The following KLHL29 variants were observed in gnomAD, a reference collection of about 807,000 sequenced individuals.
KLHL29 encodes kelch like family member 29, also known as kelch-like protein 29.
In KLHL29, 21 loss-of-function variants were observed where a neutral mutation model predicts 80.4. The observed-to-expected ratio is 0.26, with a 90% CI of 0.19 to 0.38. KLHL29 has a LOEUF of 0.38. Among genes scored for constraint, KLHL29 ranks in the 10% least tolerant of loss-of-function variants. The pLI is 1.00. For missense variants in KLHL29, 867 were observed against 1,223.9 expected, an observed-to-expected ratio of 0.71 and a Z score of 4.35; for synonymous variants, 511 against 526.8, an observed-to-expected ratio of 0.97 and a Z score of 0.41.
At chr2:23,424,791 C>G (rs1278697656) in intron 1 of KLHL29, among the ~76,000 whole-genome samples, 1 of 152,222 alleles carries the variant, frequency 6.6e-6, no homozygotes, top group African/African-American at 2.4e-5. Context: ...AAATCTCTCT[C>G]CGAATCTCGC....
At chr2:23,635,478 G>T (rs904791289) in intron 3 of KLHL29, among the ~76,000 whole-genome samples, 1 of 152,218 alleles carries the variant, frequency 6.6e-6, no homozygotes, top group African/African-American at 2.4e-5. Context: ...ATGGCCAGCA[G>T]GTGCCTCCCC....
At chr2:23,646,273 G>A (rs1038450208) in intron 5 of KLHL29, among the ~76,000 whole-genome samples, 2 of 152,196 alleles carry the variant, frequency 1.3e-5, no homozygotes, top group South Asian at 2.1e-4. Flanking sequence ...CCAGGATCCC[G>A]TGAACCCAGC....
intron 2 of KLHL29, among the ~76,000 whole-genome samples, chr2:23,543,079 C>T (rs981929307): frequency 2.0e-5 from 3 of 152,174 alleles, no homozygotes; most frequent in Admixed American, 6.5e-5. Flanking sequence ...TCCAGGAGCC[C>T]GAGAAGAACC....
intron 6 of KLHL29, 182 bp from the exon 7 acceptor site, chr2:23,691,492 T>C (rs1454747039): frequency 6.6e-6 from 4 of 604,888 alleles, no homozygotes; most frequent in Middle Eastern, 4.4e-4. Context: ...TGGGCGTCTC[T>C]GGTCAGACTC....
At chr2:23,430,573 G>A (rs1410427305) in intron 1 of KLHL29, among the ~76,000 whole-genome samples, 1 of 152,186 alleles carries the variant, frequency 6.6e-6, no homozygotes, top group Non-Finnish European at 1.5e-5. Context: ...AAAGGGACAG[G>A]TGCCTGAGAT....
At chr2:23,465,516 G>T (rs1044413128) in intron 1 of KLHL29, among the ~76,000 whole-genome samples, 2 of 152,156 alleles carry the variant, frequency 1.3e-5, no homozygotes, top group Non-Finnish European at 2.9e-5. Context: ...ACAATTTCAG[G>T]TGCACTCTGC....
intron 2 of KLHL29, among the ~76,000 whole-genome samples, chr2:23,538,616 G>A (rs1333565741): frequency 1.3e-5 from 2 of 152,040 alleles, no homozygotes; most frequent in Non-Finnish European, 2.9e-5. Context: ...AATGATCTTT[G>A]GTTGTGGGGA....
chr2:23,558,822 T>G (rs1667366016), intron 2 of KLHL29, among the ~76,000 whole-genome samples: 1 of 152,256 alleles, frequency 6.6e-6, no homozygotes. Flanking sequence ...TCTCTGGAAG[T>G]GCTCAGCAAT....
At chr2:23,539,812 C>T (rs1254792680) in intron 2 of KLHL29, among the ~76,000 whole-genome samples, 1 of 152,136 alleles carries the variant, frequency 6.6e-6, no homozygotes, top group Non-Finnish European at 1.5e-5. Flanking sequence ...CACTTCTTGG[C>T]AGTCTCCATA....
chr2:23,462,067 G>T (rs1664226950), intron 1 of KLHL29, among the ~76,000 whole-genome samples: 1 of 150,886 alleles, frequency 6.6e-6, no homozygotes, highest in Admixed American at 6.6e-5. Context: ...CATGAGAAGA[G>T]ATTTTTGTCT....
intron 2 of KLHL29, among the ~76,000 whole-genome samples, chr2:23,522,555 A>G (rs1422225692): frequency 6.6e-6 from 1 of 151,470 alleles, no homozygotes; most frequent in African/African-American, 2.4e-5. Flanking sequence ...CCTTTTTGAA[A>G]TCTGATCAGA....
At chr2:23,456,771 G>A (rs1260860483) in intron 1 of KLHL29, among the ~76,000 whole-genome samples, 4 of 152,226 alleles carry the variant, frequency 2.6e-5, no homozygotes, top group Non-Finnish European at 4.4e-5. Context: ...CCAAAAAAAG[G>A]GGGTAGCTAT....
chr2:23,439,647 C>G (rs941710234), intron 1 of KLHL29, among the ~76,000 whole-genome samples: 2 of 152,068 alleles, frequency 1.3e-5, no homozygotes, highest in Non-Finnish European at 2.9e-5. Flanking sequence ...ATCCTGAGTT[C>G]TAGTTTGATT....
intron 5 of KLHL29, among the ~76,000 whole-genome samples, chr2:23,664,052 G>A (rs1361313386): frequency 6.6e-6 from 1 of 152,138 alleles, no homozygotes; most frequent in Non-Finnish European, 1.5e-5. Flanking sequence ...ATCAATATGC[G>A]CTTATGCATT....
At chr2:23,443,965 A>G (rs778585075) in intron 1 of KLHL29, among the ~76,000 whole-genome samples, 1 of 152,218 alleles carries the variant, frequency 6.6e-6, no homozygotes, top group African/African-American at 2.4e-5. Flanking sequence ...GTATTGTAAA[A>G]TGGTGATTTT....
At chr2:23,691,421 G>T in intron 6 of KLHL29, 1 of 558,384 alleles carries the variant, frequency 1.8e-6, no homozygotes, top group Non-Finnish European at 3.2e-6. Context: ...CATGCTTTTT[G>T]ATTTGCATCT....
chr2:23,499,470 G>T (rs779623549), intron 2 of KLHL29, among the ~76,000 whole-genome samples: 1 of 152,184 alleles, frequency 6.6e-6, no homozygotes, highest in Non-Finnish European at 1.5e-5. Flanking sequence ...AGAGCTGTCA[G>T]ACTCAAGCAG....
At chr2:23,549,150 G>A (rs1421200065) in intron 2 of KLHL29, among the ~76,000 whole-genome samples, 1 of 152,224 alleles carries the variant, frequency 6.6e-6, no homozygotes, top group Non-Finnish European at 1.5e-5. Context: ...GTCAGGCAAA[G>A]GACACATCAG....
At chr2:23,451,390 C>A (rs985117827) in intron 1 of KLHL29, among the ~76,000 whole-genome samples, 6 of 152,300 alleles carry the variant, frequency 3.9e-5, no homozygotes, top group East Asian at 1.9e-4. Flanking sequence ...GTTTGGGGAG[C>A]CTTGCTTGTT....
Sources: gnomAD v4.1 joint callset for allele counts (sites outside exome capture counted in the v4.1 genomes callset) on GRCh38, gnomAD v4.1.1 for gene constraint, MANE v1.5 for transcripts, NCBI Gene and HGNC (gene_info 2026-07-23, HGNC 2026-07-21) for gene names.